The following GABRG3 variants were observed in gnomAD, a reference collection of about 807,000 sequenced individuals.
GABRG3 encodes the protein gamma-aminobutyric acid type A receptor subunit gamma3.
A neutral mutation model predicts 48.8 loss-of-function variants in GABRG3; 25 were observed. That is an observed-to-expected ratio of 0.51 (90% confidence interval 0.37 to 0.72). The LOEUF is 0.72. Among genes scored for constraint, GABRG3 ranks in the 30% least tolerant of loss-of-function variants. The probability of loss-of-function intolerance (pLI) is 0.00; values close to 1 mark genes in which losing one functional copy is unlikely to be tolerated. For missense variants in GABRG3, 394 were observed against 577.9 expected (o/e 0.68, Z 3.26); for synonymous variants, 227 against 217.6 (o/e 1.04, Z -0.38).
chr15:27,149,384 CTT>C (rs1398186621), intron 3 of GABRG3, among the ~76,000 whole-genome samples: 3 of 152,122 alleles, frequency 2.0e-5, no homozygotes, highest in Non-Finnish European at 4.4e-5. Context: ...GATTGGAAGA[CTT>C]AACATTGTGA....
At chr15:27,191,374 T>C (rs1888297706) in intron 3 of GABRG3, among the ~76,000 whole-genome samples, 2 of 152,172 alleles carry the variant, frequency 1.3e-5, no homozygotes, top group Admixed American at 1.3e-4. Flanking sequence ...TCTTTGTAGG[T>C]CACTCAGGAC....
chr15:27,488,244 G>T (rs374675110), intron 6 of GABRG3, among the ~76,000 whole-genome samples: 13 of 152,106 alleles, frequency 8.5e-5, no homozygotes, highest in African/African-American at 2.9e-4. Flanking sequence ...CCGCTCCCAC[G>T]TCCCTCAAAG....
chr15:27,258,874 A>G (rs1890695117), intron 3 of GABRG3, among the ~76,000 whole-genome samples: 2 of 152,018 alleles, frequency 1.3e-5, no homozygotes, highest in Non-Finnish European at 2.9e-5. Flanking sequence ...TTTTGTATCC[A>G]ATAGCCAACC....
chr15:27,482,315 C>T (rs535260241), intron 6 of GABRG3, among the ~76,000 whole-genome samples: 4 of 152,288 alleles, frequency 2.6e-5, no homozygotes, highest in South Asian at 2.1e-4. Context: ...TCGGGACGGA[C>T]GCATGGTGGC....
intron 2 of GABRG3, among the ~76,000 whole-genome samples, chr15:27,006,888 G>T (rs570438425): frequency 1.3e-5 from 2 of 151,030 alleles, no homozygotes; most frequent in Non-Finnish European, 2.9e-5. Context: ...TGCCCAGGCC[G>T]GAGTGTGGTG....
rs113277447 is a variant in GABRG3 at position 27,510,836 on chromosome 15, G to C, written c.713-9136G>C. ...TACGGTTAAACAGGATTACGGGCAT[G>C]AAGTTAAAAACTGATTGTAATAAAA... On this transcript the variant is annotated intron_variant, in intron 6 of 9. Coordinates refer to ENST00000615808, the MANE Select transcript of GABRG3 (RefSeq NM_033223.5). 2.0e-3 allele frequency among the ~76,000 whole-genome samples: 310 copies of C among 152,324 alleles called. 3 individuals carry two copies. Among genetic ancestry groups the C allele is most frequent in the African/African-American group, 6.5e-3 (270 of 41,578 alleles).
intron 3 of GABRG3, among the ~76,000 whole-genome samples, chr15:27,093,060 C>G (rs540746275): frequency 6.6e-6 from 1 of 152,134 alleles, no homozygotes; most frequent in African/African-American, 2.4e-5. Flanking sequence ...AGACAGGCAG[C>G]CATTGGGTTG....
chr15:27,148,641 A>G (rs1374713156), intron 3 of GABRG3, among the ~76,000 whole-genome samples: 3 of 152,034 alleles, frequency 2.0e-5, no homozygotes, highest in Non-Finnish European at 2.9e-5. Flanking sequence ...AACATATAAT[A>G]TGATTATACA....
intron 5 of GABRG3, among the ~76,000 whole-genome samples, chr15:27,388,051 AGGT>A (rs1418906517): frequency 1.9e-5 from 2 of 103,114 alleles, no homozygotes; most frequent in African/African-American, 8.3e-5. Flanking sequence ...AAGGAAGGAA[AGGT>A]GGGAGGGAGG....
intron 3 of GABRG3, among the ~76,000 whole-genome samples, chr15:27,067,158 G>A (rs541026377): frequency 2.6e-5 from 4 of 152,230 alleles, no homozygotes; most frequent in South Asian, 2.1e-4. Context: ...ATGTTCTCCC[G>A]TCCCTCCAGT....
At chr15:27,469,640 C>A (rs1241618925) in intron 5 of GABRG3, among the ~76,000 whole-genome samples, 1 of 152,160 alleles carries the variant, frequency 6.6e-6, no homozygotes, top group Middle Eastern at 3.2e-3. Flanking sequence ...CGCGCCTGGC[C>A]TCAAGTCTCT....
intron 3 of GABRG3, among the ~76,000 whole-genome samples, chr15:27,140,153 GCACATT>G (rs1337496562): frequency 6.6e-6 from 1 of 152,180 alleles, no homozygotes; most frequent in Non-Finnish European, 1.5e-5. Context: ...AGATGTTCTA[GCACATT>G]AACCAAACAC....
At chr15:27,232,565 T>C (rs1313713674) in intron 3 of GABRG3, among the ~76,000 whole-genome samples, 1 of 152,140 alleles carries the variant, frequency 6.6e-6, no homozygotes, top group South Asian at 2.1e-4. Flanking sequence ...TTGGGGTAAA[T>C]TGGGGCAGCT....
intron 3 of GABRG3, among the ~76,000 whole-genome samples, chr15:27,133,683 C>T (rs208176): frequency 1.1e-4 from 16 of 152,148 alleles, no homozygotes; most frequent in African/African-American, 3.4e-4. Flanking sequence ...GTTTTTATGA[C>T]AATGAAGTTT....
chr15:27,372,667 C>T (rs562097786), intron 5 of GABRG3, among the ~76,000 whole-genome samples: 18 of 152,302 alleles, frequency 1.2e-4, no homozygotes, highest in African/African-American at 4.1e-4. Context: ...ACTAGGCCAC[C>T]GTGCCTGGCT....
At chr15:27,356,075 G>A (rs953768378) in intron 5 of GABRG3, among the ~76,000 whole-genome samples, 4 of 152,224 alleles carry the variant, frequency 2.6e-5, no homozygotes, top group African/African-American at 7.2e-5. Flanking sequence ...TTTAAAGGGC[G>A]ACCTTTATAG....
chr15:26,997,457 A>G (rs1360371797), intron 2 of GABRG3, among the ~76,000 whole-genome samples: 1 of 152,226 alleles, frequency 6.6e-6, no homozygotes, highest in Non-Finnish European at 1.5e-5. Flanking sequence ...ACAACTCTAG[A>G]TAATAATTCC....
At chr15:27,484,950 C>T (rs995112904) in intron 6 of GABRG3, among the ~76,000 whole-genome samples, 1 of 152,100 alleles carries the variant, frequency 6.6e-6, no homozygotes, top group Admixed American at 6.6e-5. Flanking sequence ...CAGATAAATC[C>T]CCCATGCAGA....
chr15:27,124,069 G>T (rs1202479796), intron 3 of GABRG3, among the ~76,000 whole-genome samples: 1 of 152,308 alleles, frequency 6.6e-6, no homozygotes, highest in Admixed American at 6.5e-5. Flanking sequence ...GGAGGGCAGC[G>T]GTGAGGAGGT....
Sources: gnomAD v4.1 joint callset for allele counts (sites outside exome capture counted in the v4.1 genomes callset) on GRCh38, gnomAD v4.1.1 for gene constraint, MANE v1.5 for transcripts, NCBI Gene and HGNC (gene_info 2026-07-23, HGNC 2026-07-21) for gene names.